Variants in FAM81B observed in about 807,000 individuals in gnomAD.
The protein encoded by FAM81B is protein FAM81B.
Under a neutral mutation model 58.7 loss-of-function variants are expected in FAM81B, and 60 were observed. That is an observed-to-expected ratio of 1.02 (90% CI 0.83 to 1.27). The LOEUF (loss-of-function observed/expected upper bound fraction) is 1.27. Among genes scored for constraint, FAM81B ranks in the 50% most tolerant of loss-of-function variants. The pLI is 0.00. For synonymous variants in FAM81B, 189 were observed against 179.6 expected (o/e 1.05, Z -0.42); for missense variants, 491 against 522.0 (o/e 0.94, Z 0.58).
In FAM81B at chr5:95,420,300, T is replaced by G. The variant is rs1196451040; in HGVS notation, c.554T>G (p.Ile185Arg). The change falls in exon 5 of 10, where the codon ATA (isoleucine) becomes AGA (arginine). Residue 185 changes from isoleucine to arginine, a missense_variant. Ile to Arg is a moderately conservative substitution (Grantham distance 97). Coordinates refer to ENST00000283357, the MANE Select transcript of FAM81B (RefSeq NM_152548.3). ...SQNIEILEDQ[I>R]RARDQAATGT... The stretch of plus-strand genomic sequence containing the variant: ...AAATTACAGATTTTAGAAGACCAAA[T>G]AAGAGCTCGAGATCAGGCGGCCACA... 6.2e-7 allele frequency: 1 copy of G among 1,613,414 alleles called. No homozygotes were observed. Among genetic ancestry groups the G allele is most frequent in the East Asian group, 2.2e-5 (1 of 44,874 alleles).
intron 4 of FAM81B, among the ~76,000 whole-genome samples, chr5:95,415,861 C>A (rs1037309108): frequency 6.6e-6 from 1 of 152,098 alleles, no homozygotes; most frequent in Non-Finnish European, 1.5e-5. Context: ...ACATATTATA[C>A]CCCAGTAAAA....
intron 5 of FAM81B, among the ~76,000 whole-genome samples, chr5:95,425,463 G>GA (rs1036850363): frequency 1.3e-5 from 2 of 151,974 alleles, no homozygotes; most frequent in South Asian, 2.1e-4. Context: ...CTGAAAGAAA[G>GA]AAAAAAAATG....
intron 5 of FAM81B, among the ~76,000 whole-genome samples, chr5:95,425,855 T>C (rs1762809730): frequency 6.6e-6 from 1 of 151,822 alleles, no homozygotes; most frequent in African/African-American, 2.4e-5. Flanking sequence ...AAAGTTGGTA[T>C]TGAGATGGTA....
chr5:95,423,495 C>T (rs1762740522), intron 5 of FAM81B, among the ~76,000 whole-genome samples: 1 of 147,862 alleles, frequency 6.8e-6, no homozygotes, highest in Non-Finnish European at 1.5e-5. Flanking sequence ...CAGAGGCGAA[C>T]TCTCTAGCCC....
intron 5 of FAM81B, 107 bp downstream of exon 5, chr5:95,420,509 A>C (rs2152764835): frequency 6.9e-7 from 1 of 1,450,762 alleles, no homozygotes; most frequent in African/African-American, 1.4e-5. Context: ...TCTACACATT[A>C]AGCTAAACTA....
intron 5 of FAM81B, among the ~76,000 whole-genome samples, chr5:95,428,106 G>T (rs1762896358): frequency 6.6e-6 from 1 of 152,196 alleles, no homozygotes; most frequent in Non-Finnish European, 1.5e-5. Context: ...AATTGGAGAA[G>T]ATGGATTGGA....
At chr5:95,437,874 C>CTT (rs989351589) in intron 7 of FAM81B, among the ~76,000 whole-genome samples, 5 of 151,498 alleles carry the variant, frequency 3.3e-5, no homozygotes, top group African/African-American at 9.8e-5. Flanking sequence ...TGCTCTTATT[C>CTT]TTTTTACTCT....
chr5:95,438,925 G>A (rs912072505), intron 7 of FAM81B, among the ~76,000 whole-genome samples: 4 of 151,262 alleles, frequency 2.6e-5, no homozygotes, highest in Admixed American at 6.6e-5. Flanking sequence ...GAAAGGATAT[G>A]TATATATTAT....
At chr5:95,394,779 G>T (rs1561287663) in intron 2 of FAM81B, among the ~76,000 whole-genome samples, 2 of 152,144 alleles carry the variant, frequency 1.3e-5, no homozygotes, top group Non-Finnish European at 2.9e-5. Context: ...CACCAACAGG[G>T]CTGGGTCAGG....
chr5:95,400,447 CACAT>C (rs1478257353), intron 3 of FAM81B, among the ~76,000 whole-genome samples: 1 of 151,292 alleles, frequency 6.6e-6, no homozygotes, highest in Non-Finnish European at 1.5e-5. Flanking sequence ...CACACACACA[CACAT>C]ACATACATAC....
chr5:95,429,942 C>T (rs1432626824), intron 6 of FAM81B, among the ~76,000 whole-genome samples: 1 of 152,132 alleles, frequency 6.6e-6, no homozygotes, highest in African/African-American at 2.4e-5. Flanking sequence ...CAACAAATAT[C>T]TAGAACCACC....
chr5:95,426,094 G>GTGTATATATATATATATATATATATA (rs1491455240), intron 5 of FAM81B, among the ~76,000 whole-genome samples: 1 of 120,180 alleles, frequency 8.3e-6, no homozygotes, highest in African/African-American at 3.3e-5. Context: ...ATCTCTGTGT[G>GTGTATATATATATATATATATATATA]TATATATATA....
At chr5:95,404,418 T>G (rs1451597401) in intron 3 of FAM81B, among the ~76,000 whole-genome samples, 1 of 151,710 alleles carries the variant, frequency 6.6e-6, no homozygotes, top group Non-Finnish European at 1.5e-5. Context: ...GATTTCCAGG[T>G]GATAGAAAAG....
intron 7 of FAM81B, among the ~76,000 whole-genome samples, chr5:95,439,075 T>C (rs1425749043): frequency 6.6e-6 from 1 of 150,864 alleles, no homozygotes; most frequent in Non-Finnish European, 1.5e-5. Context: ...TTTTAACTTA[T>C]ATATGTGCCA....
intron 5 of FAM81B, among the ~76,000 whole-genome samples, chr5:95,426,497 G>A (rs1356217888): frequency 1.3e-5 from 2 of 152,118 alleles, no homozygotes; most frequent in Non-Finnish European, 2.9e-5. Flanking sequence ...GGTACTCCCC[G>A]TGTCAGGCAC....
chr5:95,424,284 A>G, intron 5 of FAM81B: 2 of 1,202,136 alleles, frequency 1.7e-6, no homozygotes, highest in Non-Finnish European at 1.1e-6. Flanking sequence ...GACAGAAGAC[A>G]GACAGATAGA....
chr5:95,413,082 G>T (rs542002651), intron 3 of FAM81B, among the ~76,000 whole-genome samples: 23 of 152,292 alleles, frequency 1.5e-4, no homozygotes, highest in African/African-American at 5.5e-4. Context: ...GATGAAGAGT[G>T]TTTTTTGAAG....
At chr5:95,412,258 C>A (rs1299760569) in intron 3 of FAM81B, among the ~76,000 whole-genome samples, 1 of 152,156 alleles carries the variant, frequency 6.6e-6, no homozygotes, top group African/African-American at 2.4e-5. Flanking sequence ...CCAACATGAG[C>A]AATCCCTATT....
intron 6 of FAM81B, among the ~76,000 whole-genome samples, chr5:95,434,590 A>G (rs1745027413): frequency 6.6e-6 from 1 of 152,168 alleles, no homozygotes; most frequent in African/African-American, 2.4e-5. Context: ...GCACCTTCAC[A>G]GGTTTCAGAC....
Sources: gnomAD v4.1 joint callset for allele counts (sites outside exome capture counted in the v4.1 genomes callset) on GRCh38, gnomAD v4.1.1 for gene constraint, MANE v1.5 for transcripts, NCBI Gene and HGNC (gene_info 2026-07-23, HGNC 2026-07-21) for gene names.